The following ANKRD36 variants were observed in gnomAD, a reference collection of about 807,000 sequenced individuals.
ANKRD36 encodes ankyrin repeat domain 36.
In ANKRD36, 179 loss-of-function variants were observed where a neutral mutation model predicts 278.1. The observed-to-expected ratio is 0.64, with a 90% CI of 0.57 to 0.73. The LOEUF (loss-of-function observed/expected upper bound fraction) is 0.73, where lower values mean the gene tolerates loss of function less well. Among genes scored for constraint, ANKRD36 ranks in the 30% least tolerant of loss-of-function variants. ANKRD36 has a pLI of 0.00. For synonymous variants in ANKRD36, 320 were observed against 641.1 expected, an observed-to-expected ratio of 0.50 and a Z score of 7.57; for missense variants, 1,159 against 1,956.7, an observed-to-expected ratio of 0.59 and a Z score of 7.69.
chr2:97,225,664 T>G (rs1420743096), intron 67 of ANKRD36, among the ~76,000 whole-genome samples: 1 of 152,064 alleles, frequency 6.6e-6, no homozygotes, highest in Non-Finnish European at 1.5e-5. Flanking sequence ...TAGGGAACAC[T>G]TGCACAATGT....
chr2:97,147,741 G>A (rs1232426383), intron 11 of ANKRD36, among the ~76,000 whole-genome samples: 1 of 151,832 alleles, frequency 6.6e-6, no homozygotes, highest in Admixed American at 6.6e-5. Flanking sequence ...AATAAGAATG[G>A]AATTTGCAGG....
chr2:97,132,808 G>T (rs568291793), intron 6 of ANKRD36, among the ~76,000 whole-genome samples: 20 of 152,138 alleles, frequency 1.3e-4, no homozygotes, highest in African/African-American at 4.8e-4. Context: ...GCTTCCGGGA[G>T]CCCTCTCCTG....
At chr2:97,211,431 A>G in intron 56 of ANKRD36, 115 bp from the exon 57 acceptor site, 1 of 1,476,920 alleles carries the variant, frequency 6.8e-7, no homozygotes, top group South Asian at 1.3e-5. Context: ...AGAAGCCGTC[A>G]AGGCCTACAC....
intron 1 of ANKRD36, among the ~76,000 whole-genome samples, chr2:97,116,857 T>G (rs1156632585): frequency 2.0e-5 from 3 of 152,086 alleles, no homozygotes; most frequent in Non-Finnish European, 2.9e-5. Context: ...ACTTCCCAAC[T>G]GTATGTATGC....
At chr2:97,156,292 C>T (rs1231754548) in intron 15 of ANKRD36, among the ~76,000 whole-genome samples, 9 of 144,984 alleles carry the variant, frequency 6.2e-5, no homozygotes, top group African/African-American at 2.2e-4. Context: ...CATATGTATA[C>T]ATGTGCCATG....
In ANKRD36 at chr2:97,198,067, A is replaced by T. The variant is rs2060280296; in HGVS notation, c.2654-396A>T. 2.0e-5 allele frequency among the ~76,000 whole-genome samples: 3 copies of T among 151,894 alleles called. No homozygotes were observed. In the South Asian group the frequency reaches 6.3e-4, roughly 32 times the overall value. On this transcript the variant is annotated intron_variant, in intron 42 of 75. Transcript: ENST00000420699. ...ATGAATGTTTGTAGTATAATGGTGT[A>T]AATCCTTTTGATTTGTTGCATGAAA...
At chr2:97,178,830 A>G (rs1164770956) in intron 22 of ANKRD36, among the ~76,000 whole-genome samples, 2 of 151,680 alleles carry the variant, frequency 1.3e-5, no homozygotes, top group Non-Finnish European at 2.9e-5. Flanking sequence ...AAGTATAATA[A>G]AAAAAAGCAA....
At chr2:97,204,997 C>T (rs1433810358) in intron 50 of ANKRD36, among the ~76,000 whole-genome samples, 4 of 151,338 alleles carry the variant, frequency 2.6e-5, no homozygotes, top group Non-Finnish European at 5.9e-5. Context: ...AATATGAATA[C>T]ATTGGCTTCT....
At chr2:97,203,995 A>T in intron 48 of ANKRD36, 73 bp from the exon 49 acceptor site, 1 of 1,532,820 alleles carries the variant, frequency 6.5e-7, no homozygotes, top group Non-Finnish European at 8.8e-7. Flanking sequence ...GGCTGATGCT[A>T]ACACTGCATG....
chr2:97,154,520 A>T lies in ANKRD36; in HGVS notation c.1194-155A>T, dbSNP rs1020417437. Among the ~76,000 whole-genome samples the T allele has an allele frequency of 2.6e-4, 38 of 146,816 alleles. 6 individuals are homozygous for T. The highest frequency in any genetic ancestry group is 4.3e-4 in the Non-Finnish European group (28 of 64,966). The stretch of plus-strand genomic sequence containing the variant: ...AAAATGGAAGCCATATCTTAATTAT[A>T]CCAAGAAATATTATTTAATATGCAG... On this transcript the variant is annotated intron_variant, in intron 14 of 75. Transcript: ENST00000420699.
In ANKRD36 at chr2:97,141,062, T is replaced by G. The variant is rs2042777716; in HGVS notation, c.800-1578T>G. On this transcript the variant is annotated intron_variant, in intron 6 of 75. Coordinates refer to ENST00000420699, the MANE Select transcript of ANKRD36 (RefSeq NM_001354587.1). ...GATGCAGCTTAATCTAGAAAAAGTG[T>G]TTTTTTTTTCTTTAGGAAAGCTGTG... Among the ~76,000 whole-genome samples, 3 of 147,696 alleles carry G rather than the reference T, an allele frequency of 2.0e-5. No homozygotes were observed. The Admixed American group carries it at 2.1e-4, about 10-fold the overall frequency.
intron 54 of ANKRD36, among the ~76,000 whole-genome samples, chr2:97,209,145 T>C (rs890987578): frequency 6.8e-6 from 1 of 146,566 alleles, no homozygotes; most frequent in African/African-American, 2.7e-5. Context: ...AGCAAACAGA[T>C]ATCCAAGGTG....
At chr2:97,226,565 T>G (rs1202160320) in intron 67 of ANKRD36, among the ~76,000 whole-genome samples, 2 of 151,608 alleles carry the variant, frequency 1.3e-5, no homozygotes, top group Admixed American at 1.3e-4. Context: ...TTTTCTCCCA[T>G]GTTGTAGGTT....
rs1237955030 is a variant in ANKRD36 at position 97,202,249 on chromosome 2, A to G, written c.2886+19A>G. On this transcript the variant is annotated intron_variant, in intron 47 of 75. Transcript: ENST00000420699. Reference sequence around the variant, plus strand: ...CTTGAAGGTAATGAAACTCCCATTTATCTTGTGAACGAGTTAATGTATGGT... The same window carrying G: ...CTTGAAGGTAATGAAACTCCCATTTGTCTTGTGAACGAGTTAATGTATGGT... The G allele has an allele frequency of 7.5e-6, 12 of 1,608,460 alleles. No individual in the cohort carries two copies. Among genetic ancestry groups the G allele is most frequent in the Non-Finnish European group, 1.0e-5 (12 of 1,178,558 alleles).
intron 68 of ANKRD36, among the ~76,000 whole-genome samples, chr2:97,240,998 T>G (rs1446310477): frequency 1.6e-4 from 23 of 144,690 alleles, no homozygotes; most frequent in African/African-American, 4.0e-4. Context: ...TTTTTTTTTT[T>G]TTTTTTTTTT....
At chr2:97,170,526 A>G (rs548008585) in intron 22 of ANKRD36, among the ~76,000 whole-genome samples, 92 of 152,104 alleles carry the variant, frequency 6.0e-4, no homozygotes, top group African/African-American at 1.9e-3. Flanking sequence ...CTGAAACTGG[A>G]TCCCTTCCTT....
chr2:97,203,090 T>C (rs1362031231), intron 48 of ANKRD36, among the ~76,000 whole-genome samples: 1 of 151,810 alleles, frequency 6.6e-6, no homozygotes, highest in Non-Finnish European at 1.5e-5. Context: ...TTTTGTTGAT[T>C]TTAGTTATAT....
chr2:97,173,745 G>C (rs2053385930), intron 22 of ANKRD36, among the ~76,000 whole-genome samples: 1 of 151,760 alleles, frequency 6.6e-6, no homozygotes, highest in African/African-American at 2.4e-5. Flanking sequence ...AGACTTGTGG[G>C]AAGTCGCTTA....
intron 43 of ANKRD36, 28 bp downstream of exon 43, chr2:97,198,519 C>A (rs757049149): frequency 5.4e-5 from 85 of 1,571,390 alleles, no homozygotes; most frequent in Middle Eastern, 2.3e-4. Context: ...TATATTGTGA[C>A]CTAGTAAATG....
Sources: gnomAD v4.1 joint callset for allele counts (sites outside exome capture counted in the v4.1 genomes callset) on GRCh38, gnomAD v4.1.1 for gene constraint, MANE v1.5 for transcripts, NCBI Gene and HGNC (gene_info 2026-07-23, HGNC 2026-07-21) for gene names.